Variants in CELF2 observed in about 807,000 individuals in gnomAD.
The protein encoded by CELF2 is CUGBP Elav-like family member 2, also known as CUG triplet repeat RNA-binding protein 2.
In CELF2, 8 loss-of-function variants were observed where a neutral mutation model predicts 62.6. The observed-to-expected ratio is 0.13, with a 90% CI of 0.07 to 0.23. The LOEUF is 0.23. Ranked by LOEUF, CELF2 falls within the 10% of genes least tolerant of loss-of-function variation. The pLI is 1.00. For missense variants in CELF2, 333 were observed against 671.0 expected, an observed-to-expected ratio of 0.50 and a Z score of 5.56; for synonymous variants, 258 against 250.0, an observed-to-expected ratio of 1.03 and a Z score of -0.30.
chr10:11,049,226 A>T (rs1291881), intron 1 of CELF2, among the ~76,000 whole-genome samples: 6,071 of 148,158 alleles, frequency 0.041, 290 homozygotes, highest in African/African-American at 0.12. Context: ...TTTTTTTTTT[A>T]AAACTGCCTG....
the CELF2 span, among the ~76,000 whole-genome samples, chr10:10,650,740 A>G: frequency 2.0e-4 from 31 of 152,364 alleles, no homozygotes; most frequent in African/African-American, 7.2e-4. Flanking sequence ...AAATAGTAAA[A>G]TGATGCAACC....
the CELF2 span, among the ~76,000 whole-genome samples, chr10:10,540,103 TGATTGGAA>T: frequency 6.6e-5 from 10 of 152,282 alleles, no homozygotes; most frequent in South Asian, 2.1e-3. Context: ...AATTTTGAGT[TGATTGGAA>T]GAAGCTTGTA....
chr10:11,078,970 C>T (rs1024423570), intron 1 of CELF2, among the ~76,000 whole-genome samples: 4 of 152,152 alleles, frequency 2.6e-5, no homozygotes, highest in African/African-American at 9.7e-5. Flanking sequence ...TTGATTAAAT[C>T]ACTTGAGCAG....
At chr10:11,190,900 G>A (rs754837123) in intron 2 of CELF2, among the ~76,000 whole-genome samples, 80 of 151,960 alleles carry the variant, frequency 5.3e-4, no homozygotes, top group Non-Finnish European at 7.5e-4. Context: ...GAGCAGGAGG[G>A]AACAGGGAGT....
At chr10:10,510,009 T>C in the CELF2 span, among the ~76,000 whole-genome samples, 2 of 152,244 alleles carry the variant, frequency 1.3e-5, no homozygotes, top group Non-Finnish European at 2.9e-5. Flanking sequence ...CATTTCTCCA[T>C]GGCTGGGAGG....
chr10:11,109,575 G>A (rs1015781033), intron 1 of CELF2, among the ~76,000 whole-genome samples: 4 of 152,198 alleles, frequency 2.6e-5, no homozygotes, highest in African/African-American at 9.7e-5. Flanking sequence ...GACAGACATA[G>A]GACTGTGGCC....
rs1249259942 is a variant in CELF2, at chr10:11,246,568, C to T, written c.355-2585C>T. On this transcript the variant is annotated intron_variant, in intron 3 of 12. Coordinates refer to ENST00000633077, the MANE Select transcript of CELF2 (RefSeq NM_001326342.2). The surrounding 1 kb of genome is among the most constrained non-coding windows in gnomAD (Gnocchi z 4.6). The stretch of plus-strand genomic sequence containing the variant: ...CGTGAAGAATTTTTTATTGCCAGAT[C>T]CAAATTCTTTGGCCTCTCACAGTGT... Among the ~76,000 whole-genome samples, 1 of 152,194 alleles carries T rather than the reference C, an allele frequency of 6.6e-6. No homozygotes were observed. Among genetic ancestry groups the T allele is most frequent in the East Asian group, 1.9e-4 (1 of 5,192 alleles).
At chr10:11,250,558 C>G (rs537036616) in intron 4 of CELF2, among the ~76,000 whole-genome samples, 64 of 152,312 alleles carry the variant, frequency 4.2e-4, no homozygotes, top group Middle Eastern at 3.4e-3. Context: ...AGTTGTTCAT[C>G]AGTTACCGTG....
chr10:11,132,146 G>T (rs751941568), intron 1 of CELF2, among the ~76,000 whole-genome samples: 14 of 152,190 alleles, frequency 9.2e-5, no homozygotes, highest in Non-Finnish European at 1.6e-4. Flanking sequence ...TCCCTTATGC[G>T]TTGTTTGTAA....
chr10:11,051,539 G>T (rs1457653998), intron 1 of CELF2, among the ~76,000 whole-genome samples: 2 of 152,152 alleles, frequency 1.3e-5, no homozygotes, highest in East Asian at 3.9e-4. Flanking sequence ...TATTGCATTG[G>T]ATTTATTCAT....
the CELF2 span, among the ~76,000 whole-genome samples, chr10:10,643,802 A>G: frequency 6.6e-6 from 1 of 152,160 alleles, no homozygotes; most frequent in Non-Finnish European, 1.5e-5. Flanking sequence ...GTCTTAACGT[A>G]GGCTCTGAAA....
chr10:10,968,993 G>A (rs2050462161), intron 2 of CELF2, among the ~76,000 whole-genome samples: 1 of 152,174 alleles, frequency 6.6e-6, no homozygotes, highest in African/African-American at 2.4e-5. Context: ...CAAATGGGAT[G>A]AACAAAGACC....
intron 2 of CELF2, among the ~76,000 whole-genome samples, chr10:10,978,595 G>A (rs547432996): frequency 2.3e-4 from 35 of 152,234 alleles, no homozygotes; most frequent in African/African-American, 7.5e-4. Flanking sequence ...AAACACAAAA[G>A]TTGTACTACA....
the CELF2 span, among the ~76,000 whole-genome samples, chr10:10,788,280 G>C: frequency 6.6e-6 from 1 of 151,488 alleles, no homozygotes; most frequent in Non-Finnish European, 1.5e-5. Context: ...AAACTACTTT[G>C]TACCCCCTAA....
At chr10:11,162,768 G>A (rs555233662) in intron 1 of CELF2, among the ~76,000 whole-genome samples, 6 of 152,282 alleles carry the variant, frequency 3.9e-5, no homozygotes, top group Admixed American at 3.9e-4. Context: ...CATTTCAGAT[G>A]CTTCACAGAT....
At chr10:10,486,062 G>T in the CELF2 span, among the ~76,000 whole-genome samples, 1 of 152,182 alleles carries the variant, frequency 6.6e-6, no homozygotes, top group Non-Finnish European at 1.5e-5. Flanking sequence ...TAGAATAATG[G>T]CATTCAGATA....
intron 2 of CELF2, among the ~76,000 whole-genome samples, chr10:11,187,584 A>C (rs1311115091): frequency 2.8e-5 from 4 of 144,188 alleles, no homozygotes; most frequent in Admixed American, 6.9e-5. Context: ...CCCCCCCCCC[A>C]ACCTGTTCTT....
intron 1 of CELF2, among the ~76,000 whole-genome samples, chr10:10,811,932 C>G (rs1216586115): frequency 6.6e-6 from 1 of 152,058 alleles, no homozygotes; most frequent in Non-Finnish European, 1.5e-5. Flanking sequence ...CCATGTGCCC[C>G]TCATCTCCCC....
In CELF2 at chr10:11,321,126, C is replaced by T; in HGVS notation, c.1097-63C>T. ...CTGTGTTTAAATGATTCTCTAACTTCCTTTGGAAAGCACTAATGAATAAGT... is the reference window on the plus strand; with the variant it reads ...CTGTGTTTAAATGATTCTCTAACTTTCTTTGGAAAGCACTAATGAATAAGT... On this transcript the variant is annotated intron_variant, in intron 10 of 12. Transcript: ENST00000633077. This position sits in a 1 kb window ranked among gnomAD's most constrained non-coding sequence, Gnocchi z 6.2. The T allele has an allele frequency of 6.5e-7, 1 of 1,544,744 alleles. No individual in the cohort carries two copies. The highest frequency in any genetic ancestry group is 1.1e-5 in the South Asian group (1 of 89,504).
Sources: allele counts gnomAD v4.1 joint callset (sites outside exome capture counted in the v4.1 genomes callset), GRCh38; gene constraint gnomAD v4.1.1; non-coding constraint Gnocchi (gnomAD v3.1); transcripts MANE v1.5; gene names NCBI Gene and HGNC (gene_info 2026-07-23, HGNC 2026-07-21).